Variants in STRAP observed in about 807,000 individuals in gnomAD.
The protein encoded by STRAP is serine-threonine kinase receptor-associated protein.
In STRAP, 16 loss-of-function variants were observed where a neutral mutation model predicts 47.0. The observed-to-expected ratio is 0.34, with a 90% CI of 0.23 to 0.52. STRAP has a LOEUF of 0.52. Ranked by LOEUF, STRAP falls within the 20% of genes least tolerant of loss-of-function variation. The pLI is 0.96. For missense variants in STRAP, 293 were observed against 420.0 expected, an observed-to-expected ratio of 0.70 and a Z score of 2.64; for synonymous variants, 130 against 142.7, an observed-to-expected ratio of 0.91 and a Z score of 0.63.
At chr12:15,889,543 T>A (rs1456525644) in intron 2 of STRAP, among the ~76,000 whole-genome samples, 1 of 152,114 alleles carries the variant, frequency 6.6e-6, no homozygotes, top group African/African-American at 2.4e-5. Context: ...AGAGAAAAAA[T>A]TGGCATGGTG....
chr12:15,882,935 A>G, intron 1 of STRAP, 116 bp downstream of exon 1: 1 of 1,345,548 alleles, frequency 7.4e-7, no homozygotes, highest in Non-Finnish European at 1.0e-6. Flanking sequence ...GGCGATATTA[A>G]CATCTGAGAT....
chr12:15,883,956 T>C (rs2136106702), intron 2 of STRAP, among the ~76,000 whole-genome samples: 1 of 152,366 alleles, frequency 6.6e-6, no homozygotes, highest in East Asian at 1.9e-4. Flanking sequence ...ATAATGAATG[T>C]TGATCTCCTT....
At chr12:15,884,908 A>G (rs1367366322) in intron 2 of STRAP, among the ~76,000 whole-genome samples, 1 of 152,156 alleles carries the variant, frequency 6.6e-6, no homozygotes, top group Non-Finnish European at 1.5e-5. Context: ...ATAAACCTAC[A>G]ATCTAATTAT....
intron 2 of STRAP, 27 bp downstream of exon 2, chr12:15,883,703 T>C: frequency 1.2e-6 from 2 of 1,612,276 alleles, no homozygotes; most frequent in Non-Finnish European, 1.7e-6. Context: ...TGGCTAACTT[T>C]GGTGTTCTCT....
intron 1 of STRAP, chr12:15,883,095 A>ATT (rs767552175): frequency 2.5e-5 from 38 of 1,535,564 alleles, no homozygotes; most frequent in Middle Eastern, 3.3e-4. Context: ...GCTGGTCAGC[A>ATT]TTTGCCTAGA....
At chr12:15,886,891 G>A (rs1016071603) in intron 2 of STRAP, among the ~76,000 whole-genome samples, 2 of 152,008 alleles carry the variant, frequency 1.3e-5, no homozygotes, top group African/African-American at 2.4e-5. Flanking sequence ...GGAGTAATTC[G>A]GGCAATTGAG....
At chr12:15,892,982 C>CTACAAAT (rs1565575366) in intron 4 of STRAP, among the ~76,000 whole-genome samples, 1 of 152,020 alleles carries the variant, frequency 6.6e-6, no homozygotes, top group African/African-American at 2.4e-5. Context: ...TCTGTTAAGC[C>CTACAAAT]CTATTCGCAT....
chr12:15,890,497 T>C lies in STRAP; in HGVS notation c.331-100T>C. 2 of 975,914 alleles carry C rather than the reference T, an allele frequency of 2.0e-6. No individual in the cohort carries two copies. Among genetic ancestry groups the C allele is most frequent in the South Asian group, 2.8e-5 (2 of 71,006 alleles). 60.5% of individuals were successfully genotyped at this position (975,914 alleles called of 1,614,324 possible). ...GTTATGTCTTGGCATCTCTTTGTGATGTCTGTGAGCTAGATTTTGATTTTA... is the reference window on the plus strand; with the variant it reads ...GTTATGTCTTGGCATCTCTTTGTGACGTCTGTGAGCTAGATTTTGATTTTA... On this transcript the variant is annotated intron_variant, in intron 3 of 9. Coordinates refer to ENST00000419869, the MANE Select transcript of STRAP (RefSeq NM_007178.4). The surrounding 1 kb of genome is among the most constrained non-coding windows in gnomAD (Gnocchi z 4.5).
chr12:15,898,747 G>A (rs951230441), intron 7 of STRAP, among the ~76,000 whole-genome samples: 2 of 152,006 alleles, frequency 1.3e-5, no homozygotes, highest in Non-Finnish European at 2.9e-5. Context: ...TCAAAAATAT[G>A]TTTAGTTTTT....
At chr12:15,883,189 G>C in intron 1 of STRAP, 1 of 1,467,366 alleles carries the variant, frequency 6.8e-7, no homozygotes, top group Non-Finnish European at 9.2e-7. Flanking sequence ...TTACAAAGAC[G>C]TTCGCTCTTG....
At chr12:15,893,282 C>T (rs1948031835) in intron 4 of STRAP, among the ~76,000 whole-genome samples, 1 of 151,702 alleles carries the variant, frequency 6.6e-6, no homozygotes. Flanking sequence ...TCATTATTTA[C>T]TATCAATAGC....
Position 15,882,403 on chromosome 12 carries a change from C to T in STRAP, c.-305C>T, listed in dbSNP as rs1947927485. The T allele has an allele frequency of 4.5e-6, 2 of 445,912 alleles. No homozygotes were observed. The highest frequency in any genetic ancestry group is 8.2e-6 in the Non-Finnish European group (2 of 245,074). The allele number at this position is 445,912 out of a possible 1,614,324, so 27.6% of individuals were successfully genotyped here. On this transcript the variant is annotated 5_prime_UTR_variant, in exon 1 of 10. Transcript: ENST00000419869. The stretch of plus-strand genomic sequence containing the variant: ...CGTCATTTACGTCGTCACTTCCTGC[C>T]GATGCCGGTGTGGACGCTGTGAATC...
chr12:15,882,972 A>T (rs1947936104), intron 1 of STRAP, 153 bp downstream of exon 1: 1 of 1,379,876 alleles, frequency 7.2e-7, no homozygotes, highest in African/African-American at 1.4e-5. Flanking sequence ...CCGGTGGAGA[A>T]AGGAGTGTGT....
At position 15,882,635 on chromosome 12, in the gene STRAP, C is replaced by A; in HGVS notation, c.-73C>A. ...GGCGGGGGCCTGGAGCAGCCCGAGG[C>A]ACTGCAGCAGAAGAGAGAAAAGACA... On this transcript the variant is annotated 5_prime_UTR_variant, in exon 1 of 10. Transcript: ENST00000419869. 7.8e-7 allele frequency: 1 copy of A among 1,289,978 alleles called. No homozygotes were observed. The highest frequency in any genetic ancestry group is 1.5e-5 in the African/African-American group (1 of 68,612). 79.9% of individuals were successfully genotyped at this position (1,289,978 alleles called of 1,614,324 possible).
intron 4 of STRAP, among the ~76,000 whole-genome samples, chr12:15,891,980 G>A (rs1208544629): frequency 2.0e-5 from 3 of 152,052 alleles, no homozygotes. Flanking sequence ...GCCATTGATA[G>A]ATACTACCAA....
chr12:15,892,096 C>A (rs1455608588), intron 4 of STRAP, among the ~76,000 whole-genome samples: 4 of 151,966 alleles, frequency 2.6e-5, no homozygotes, highest in Non-Finnish European at 4.4e-5. Flanking sequence ...GAAAATAATT[C>A]TGTTGTATTA....
At chr12:15,891,952 A>C (rs1311959410) in intron 4 of STRAP, among the ~76,000 whole-genome samples, 8 of 152,204 alleles carry the variant, frequency 5.3e-5, no homozygotes, top group Admixed American at 5.2e-4. Flanking sequence ...AAGAAAAAAA[A>C]AAAATGAATT....
Position 15,890,179 on chromosome 12 carries a change from T to C in STRAP, c.330+170T>C, listed in dbSNP as rs1948002842. Among the ~76,000 whole-genome samples, 1 of 152,228 alleles carries C rather than the reference T, an allele frequency of 6.6e-6. No individual in the cohort carries two copies. Among genetic ancestry groups the C allele is most frequent in the Non-Finnish European group, 1.5e-5 (1 of 68,038 alleles). On this transcript the variant is annotated intron_variant, in intron 3 of 9. Transcript: ENST00000419869. The surrounding 1 kb of genome is among the most constrained non-coding windows in gnomAD (Gnocchi z 4.5). The stretch of plus-strand genomic sequence containing the variant: ...GTGTATTAAGCTCTATGAATTTGTT[T>C]CATAGTTAATCCTGTCAAGCTTTTA...
rs762202050 is a variant in STRAP at position 15,882,682 on chromosome 12, G to A, written c.-26G>A. 8.2e-6 allele frequency: 13 copies of A among 1,587,970 alleles called. No individual in the cohort carries two copies. The highest frequency in any genetic ancestry group is 6.7e-5 in the South Asian group (6 of 89,266). ...GACAACGACGACCCTCAGCTCGCCA[G>A]TCCGGTCGCTGGCTTCGCCGCCGCC... On this transcript the variant is annotated 5_prime_UTR_variant, in exon 1 of 10. Coordinates refer to ENST00000419869, the MANE Select transcript of STRAP (RefSeq NM_007178.4).
Sources: allele counts gnomAD v4.1 joint callset (sites outside exome capture counted in the v4.1 genomes callset), GRCh38; gene constraint gnomAD v4.1.1; non-coding constraint Gnocchi (gnomAD v3.1); transcripts MANE v1.5; gene names NCBI Gene and HGNC (gene_info 2026-07-23, HGNC 2026-07-21).